Variants in DOCK10 observed in about 807,000 individuals in gnomAD.
DOCK10 encodes dedicator of cytokinesis protein 10.
DOCK10 carries 145 observed loss-of-function variants against 280.1 expected under a neutral mutation model. That is an observed-to-expected ratio of 0.52 (90% CI 0.45 to 0.59). The LOEUF (loss-of-function observed/expected upper bound fraction) is 0.59. DOCK10 is among the 20% of genes least tolerant of loss of function. The pLI is 0.00. For missense variants in DOCK10, 2,368 were observed against 2,651.7 expected, an observed-to-expected ratio of 0.89 and a Z score of 2.35; for synonymous variants, 915 against 942.2, an observed-to-expected ratio of 0.97 and a Z score of 0.53.
At chr2:224,845,485 T>C (rs757517222) in intron 20 of DOCK10, 34 bp downstream of exon 20, 44 of 1,598,320 alleles carry the variant, frequency 2.8e-5, no homozygotes, top group Non-Finnish European at 3.6e-5. Context: ...ACAGAAGACA[T>C]GTGACTCTGC....
chr2:224,968,369 C>T (rs1392064247), intron 1 of DOCK10, among the ~76,000 whole-genome samples: 1 of 152,214 alleles, frequency 6.6e-6, no homozygotes, highest in African/African-American at 2.4e-5. Context: ...CCAGGCAGGG[C>T]AGGTGTGGGG....
At chr2:224,858,313 C>T (rs1697277784) in intron 14 of DOCK10, among the ~76,000 whole-genome samples, 1 of 152,098 alleles carries the variant, frequency 6.6e-6, no homozygotes, top group African/African-American at 2.4e-5. Context: ...AGTACAGCAC[C>T]ATGGGAGAAG....
At position 224,807,907 on chromosome 2, in the gene DOCK10, T is replaced by G. The variant is rs1174585160; in HGVS notation, c.3585+4A>C. On this transcript the variant is annotated splice_donor_region_variant and intron_variant, in intron 32 of 55. Transcript: ENST00000258390. ...TAGGGAAGGGAGAAAGGAAGATCAC[T>G]TACTGGCTCTCTGTATCGATCATCA... 6.2e-7 allele frequency: 1 copy of G among 1,609,408 alleles called. No individual in the cohort carries two copies. The highest frequency in any genetic ancestry group is 8.5e-7 in the Non-Finnish European group (1 of 1,176,806).
At chr2:224,845,982 C>T (rs150291804) in intron 19 of DOCK10, among the ~76,000 whole-genome samples, 212 of 152,324 alleles carry the variant, frequency 1.4e-3, no homozygotes, top group African/African-American at 4.6e-3. Flanking sequence ...CCTTGGCCTC[C>T]CAAAGTGCTG....
chr2:224,816,321 T>C (rs879917437), intron 30 of DOCK10, among the ~76,000 whole-genome samples: 15 of 151,612 alleles, frequency 9.9e-5, no homozygotes, highest in Admixed American at 9.2e-4. Context: ...AAAGTGCCTC[T>C]AGGTTCAAAT....
intron 1 of DOCK10, among the ~76,000 whole-genome samples, chr2:224,959,402 C>T (rs1201645017): frequency 6.6e-6 from 1 of 151,202 alleles, no homozygotes; most frequent in South Asian, 2.1e-4. Context: ...GGTAAACCTA[C>T]AACCGGACCC....
chr2:224,865,090 G>T lies in DOCK10; in HGVS notation c.1258-3C>A, dbSNP rs555705596. ...ACACTCACAAAAAAAGGCTCAATCT[G>T]CATGAAAAAGAAAGAACAGATGTTT... On this transcript the variant is annotated splice_polypyrimidine_tract_variant and splice_region_variant and intron_variant, in intron 11 of 55. Transcript: ENST00000258390. 23 of 1,611,850 alleles carry T rather than the reference G, an allele frequency of 1.4e-5. No homozygotes were observed. The African/African-American group carries it at 2.9e-4, about 21-fold the overall frequency.
At chr2:224,818,614 G>T (rs1694307878) in intron 29 of DOCK10, among the ~76,000 whole-genome samples, 1 of 152,032 alleles carries the variant, frequency 6.6e-6, no homozygotes, top group Non-Finnish European at 1.5e-5. Flanking sequence ...TAGCCAGGAT[G>T]GTCTCGATTT....
intron 4 of DOCK10, among the ~76,000 whole-genome samples, chr2:224,891,226 T>C (rs1699644005): frequency 2.0e-5 from 3 of 152,176 alleles, no homozygotes; most frequent in Admixed American, 2.0e-4. Flanking sequence ...AGGTTTAAAA[T>C]TTGCAGAAAA....
intron 1 of DOCK10, among the ~76,000 whole-genome samples, chr2:225,035,534 G>A (rs1575178085): frequency 5.2e-5 from 3 of 58,202 alleles, no homozygotes; most frequent in Non-Finnish European, 1.1e-4. Context: ...TATATGATAT[G>A]ATATATATTA....
intron 27 of DOCK10, among the ~76,000 whole-genome samples, chr2:224,826,386 C>G (rs1448976237): frequency 6.6e-6 from 1 of 152,116 alleles, no homozygotes; most frequent in Non-Finnish European, 1.5e-5. Flanking sequence ...CTGGAACTCA[C>G]GCTGGCCAAG....
chr2:224,888,496 A>T (rs1269261196), intron 4 of DOCK10, among the ~76,000 whole-genome samples: 1 of 151,758 alleles, frequency 6.6e-6, no homozygotes, highest in African/African-American at 2.4e-5. Flanking sequence ...GTGTGTGTAT[A>T]GCATTCTCTT....
chr2:224,805,283 C>T lies in DOCK10; in HGVS notation c.3974G>A (p.Arg1325Gln), dbSNP rs745850719. The T allele has an allele frequency of 8.7e-6, 14 of 1,612,970 alleles. No individual in the cohort carries two copies. Among genetic ancestry groups the T allele is most frequent in the Non-Finnish European group, 1.1e-5 (13 of 1,179,342 alleles). Residue 1325 changes from arginine (R) to glutamine (Q), a missense_variant, in exon 36 of 56, where the codon CGA becomes CAA. Arg to Gln is a conservative substitution (Grantham distance 43). Around this residue, in one of 2 missense-constraint regions of DOCK10, gnomAD observed 1,159 missense variants for 1,400.8 expected, o/e 0.83. Transcript: ENST00000258390. The surrounding 1 kb of genome is among the most constrained non-coding windows in gnomAD (Gnocchi z 4.3). Reference protein sequence around the residue: ...RPLSLIGSTLRFDKLDQAETR... With the variant: ...RPLSLIGSTLQFDKLDQAETR... ...TTCTGCTTGATCTAACTTGTCAAAT[C>T]GAAGAGTTGAGCCAATCAAAGACAA...
chr2:225,010,925 C>T (rs559479099), intron 1 of DOCK10, among the ~76,000 whole-genome samples: 14 of 152,228 alleles, frequency 9.2e-5, no homozygotes, highest in African/African-American at 2.2e-4. Context: ...TCAAACCAAA[C>T]GTAGGTAAAA....
chr2:224,979,314 C>T (rs572983471), intron 1 of DOCK10, among the ~76,000 whole-genome samples: 1 of 152,334 alleles, frequency 6.6e-6, no homozygotes, highest in South Asian at 2.1e-4. Flanking sequence ...GACACAAAGA[C>T]ACAAGGAGGA....
intron 1 of DOCK10, among the ~76,000 whole-genome samples, chr2:224,944,936 C>G (rs150206992): frequency 6.6e-6 from 1 of 151,918 alleles, no homozygotes; most frequent in Admixed American, 6.6e-5. Flanking sequence ...GGGAAAATAC[C>G]GCGTCCTTAC....
intron 45 of DOCK10, among the ~76,000 whole-genome samples, chr2:224,793,933 C>T (rs548543409): frequency 6.6e-6 from 1 of 152,062 alleles, no homozygotes; most frequent in Admixed American, 6.6e-5. Flanking sequence ...TAGTGTGACA[C>T]AATGTAACAC....
At chr2:225,037,130 G>A (rs1376474812) in intron 1 of DOCK10, among the ~76,000 whole-genome samples, 1 of 152,204 alleles carries the variant, frequency 6.6e-6, no homozygotes, top group Non-Finnish European at 1.5e-5. Flanking sequence ...ATTGAGAATG[G>A]AGAAGCAGAC....
intron 4 of DOCK10, among the ~76,000 whole-genome samples, chr2:224,888,820 G>C (rs921200146): frequency 1.5e-5 from 2 of 137,380 alleles, no homozygotes; most frequent in African/African-American, 3.3e-5. Context: ...ATGTGTGTAT[G>C]TATGTGTGTG....
Sources: gnomAD v4.1 joint callset for allele counts (sites outside exome capture counted in the v4.1 genomes callset) on GRCh38, gnomAD v4.1.1 for gene constraint, gnomAD v4.1.1 regional missense constraint, Gnocchi (gnomAD v3.1) non-coding constraint, MANE v1.5 for transcripts, NCBI Gene and HGNC (gene_info 2026-07-23, HGNC 2026-07-21) for gene names.